The following ABCB4 variants were observed in gnomAD, a reference collection of about 807,000 sequenced individuals.
ABCB4 encodes the protein ATP binding cassette subfamily B member 4, also known as phosphatidylcholine translocator ABCB4.
In ABCB4, 76 loss-of-function variants were observed where a neutral mutation model predicts 145.7. That is an observed-to-expected ratio of 0.52 (90% CI 0.43 to 0.63). The LOEUF (loss-of-function observed/expected upper bound fraction) is 0.63. Among genes scored for constraint, ABCB4 ranks in the 30% least tolerant of loss-of-function variants. ABCB4 has a pLI of 0.00. For missense variants in ABCB4, 1,234 were observed against 1,553.1 expected (o/e 0.79, Z 3.45); for synonymous variants, 517 against 566.8 (o/e 0.91, Z 1.25).
At chr7:87,433,346 G>C (rs1364873398) in intron 14 of ABCB4, among the ~76,000 whole-genome samples, 1 of 152,110 alleles carries the variant, frequency 6.6e-6, no homozygotes, top group Non-Finnish European at 1.5e-5. Flanking sequence ...AAGCCCCAAA[G>C]AAGCACTCAC....
intron 9 of ABCB4, among the ~76,000 whole-genome samples, chr7:87,445,986 A>G (rs1341754190): frequency 6.6e-6 from 1 of 152,220 alleles, no homozygotes; most frequent in African/African-American, 2.4e-5. Flanking sequence ...AACGGTTGTC[A>G]GGATTCAACC....
chr7:87,423,462 T>C (rs1809587495), intron 17 of ABCB4: 3 of 221,496 alleles, frequency 1.4e-5, no homozygotes, highest in South Asian at 7.4e-5. Context: ...ATTTATTGTA[T>C]AGATGAAGAA....
chr7:87,412,361 AC>A (rs1808682070), intron 22 of ABCB4, among the ~76,000 whole-genome samples: 3 of 152,306 alleles, frequency 2.0e-5, no homozygotes, highest in Non-Finnish European at 2.9e-5. Context: ...TTTCAAAAAT[AC>A]CTAAAATGTC....
intron 20 of ABCB4, 57 bp from the exon 21 acceptor site, chr7:87,417,572 C>T (rs1809074289): frequency 1.4e-6 from 2 of 1,401,494 alleles, no homozygotes; most frequent in Admixed American, 3.4e-5. Flanking sequence ...GCATGCGCTC[C>T]AGCCTTAGCC....
intron 3 of ABCB4, among the ~76,000 whole-genome samples, chr7:87,470,994 T>C (rs1813348921): frequency 6.6e-6 from 1 of 151,942 alleles, no homozygotes; most frequent in Non-Finnish European, 1.5e-5. Flanking sequence ...ATAGACTGGA[T>C]TAAGAAAATG....
At chr7:87,406,813 T>C (rs189562310) in intron 25 of ABCB4, among the ~76,000 whole-genome samples, 40 of 152,336 alleles carry the variant, frequency 2.6e-4, no homozygotes, top group Non-Finnish European at 5.3e-4. Flanking sequence ...CATCAAGGTG[T>C]CCCACTCAGG....
At chr7:87,395,646 C>A in the ABCB4 span, among the ~76,000 whole-genome samples, 1 of 152,150 alleles carries the variant, frequency 6.6e-6, no homozygotes, top group Non-Finnish European at 1.5e-5. Flanking sequence ...CCAATGATAA[C>A]CTTTTTTTCT....
At position 87,454,588 on chromosome 7, in the gene ABCB4, G is replaced by C. The variant is rs964301952; in HGVS notation, c.291C>G (p.Asn97Lys). The change falls in exon 5 of 28, where the codon AAC becomes AAG. Residue 97 changes from asparagine to lysine, a missense_variant. By Grantham distance (94) the Asn-to-Lys change is moderately conservative. Around this residue, in one of 7 missense-constraint regions of ABCB4, gnomAD observed 467 missense variants for 632.8 expected, o/e 0.74. Transcript: ENST00000649586. ...CTGGATTTAGCAGCGACAAGGAAAA[G>C]TTCACTAAATTAAAAAATAAAATAA... ...DTAGNFSFPV[N>K]FSLSLLNPGK... 1 of 1,608,186 alleles carries C rather than the reference G, an allele frequency of 6.2e-7. No individual in the cohort carries two copies. Among genetic ancestry groups the C allele is most frequent in the Non-Finnish European group, 8.5e-7 (1 of 1,176,352 alleles).
chr7:87,377,876 C>G, the ABCB4 span, among the ~76,000 whole-genome samples: 3 of 152,100 alleles, frequency 2.0e-5, no homozygotes, highest in African/African-American at 4.8e-5. Flanking sequence ...CTTTGGAACA[C>G]TATTTAGGCT....
intron 26 of ABCB4, 163 bp from the exon 27 acceptor site, chr7:87,403,444 T>C: frequency 1.5e-6 from 1 of 646,952 alleles, no homozygotes; most frequent in South Asian, 1.9e-5. Context: ...CTAGTGACTT[T>C]AATTCTCAAT....
At chr7:87,381,968 T>C in the ABCB4 span, 1 of 1,609,624 alleles carries the variant, frequency 6.2e-7, no homozygotes. Context: ...GATGAGAAAA[T>C]TTTTCAGAAT....
At position 87,467,830 on chromosome 7, in the gene ABCB4, A is replaced by G. The variant is rs184497797; in HGVS notation, c.135+4791T>C. 3.9e-5 allele frequency among the ~76,000 whole-genome samples: 6 copies of G among 152,360 alleles called. No individual in the cohort carries two copies. The East Asian group carries it at 1.2e-3, about 29-fold the overall frequency. On this transcript the variant is annotated intron_variant, in intron 3 of 27. Transcript: ENST00000649586. ...TAACGAAATGAAGGCAGAAATAAAG[A>G]TGTTCTTTGAAACCAATGAGAACAA...
At chr7:87,469,534 CAAAATCAATGTGCA>C (rs1813204640) in intron 3 of ABCB4, among the ~76,000 whole-genome samples, 1 of 152,040 alleles carries the variant, frequency 6.6e-6, no homozygotes, top group Non-Finnish European at 1.5e-5. Context: ...TCTCAGGATA[CAAAATCAATGTGCA>C]AAAATCACAA....
intron 19 of ABCB4, among the ~76,000 whole-genome samples, chr7:87,419,630 G>A (rs557374006): frequency 6.6e-6 from 1 of 152,174 alleles, no homozygotes; most frequent in East Asian, 1.9e-4. Context: ...TATCAACTAG[G>A]TTTTTCTTGG....
At chr7:87,409,086 G>A in intron 24 of ABCB4, 150 bp downstream of exon 24, 1 of 935,772 alleles carries the variant, frequency 1.1e-6, no homozygotes, top group Non-Finnish European at 1.6e-6. Context: ...TGTCAGTCAA[G>A]TTGCCCAAAT....
Position 87,401,878 on chromosome 7 carries a change from A to G in ABCB4, c.*218T>C, listed in dbSNP as rs1299998942. 2 of 703,834 alleles carry G rather than the reference A, an allele frequency of 2.8e-6. No individual in the cohort carries two copies. The highest frequency in any genetic ancestry group is 4.1e-5 in the Admixed American group (2 of 49,348). The allele number at this position is 703,834 out of a possible 1,614,324, so 43.6% of individuals were successfully genotyped here. A position where few individuals can be genotyped will look rare whatever the true frequency, so the allele number is the denominator to read the frequency against. On this transcript the variant is annotated 3_prime_UTR_variant, in exon 28 of 28. Transcript: ENST00000649586. ...TGGATGTTTCTAATAACTTAGGGAG[A>G]GCTAGCCTGTTGTTTCAATACTTCA... is the stretch of plus-strand genomic sequence containing the variant.
the ABCB4 span, among the ~76,000 whole-genome samples, chr7:87,367,524 C>A: frequency 6.6e-6 from 1 of 152,168 alleles, no homozygotes; most frequent in Non-Finnish European, 1.5e-5. Context: ...GTTTTTGCAA[C>A]CAGTGAAAAT....
At chr7:87,380,808 A>ATATATT in the ABCB4 span, among the ~76,000 whole-genome samples, 2 of 152,338 alleles carry the variant, frequency 1.3e-5, no homozygotes, top group Middle Eastern at 3.4e-3. Flanking sequence ...CTTAAATGAA[A>ATATATT]CAATATATTT....
At chr7:87,390,382 G>A in the ABCB4 span, among the ~76,000 whole-genome samples, 2 of 151,832 alleles carry the variant, frequency 1.3e-5, no homozygotes, top group South Asian at 4.2e-4. Context: ...AGGTTACAGT[G>A]GTAATATTTT....
Sources: gnomAD v4.1 joint callset for allele counts (sites outside exome capture counted in the v4.1 genomes callset) on GRCh38, gnomAD v4.1.1 for gene constraint, gnomAD v4.1.1 regional missense constraint, MANE v1.5 for transcripts, NCBI Gene and HGNC (gene_info 2026-07-23, HGNC 2026-07-21) for gene names.